The following MALRD1 variants were observed in gnomAD, a reference collection of about 807,000 sequenced individuals.
MALRD1 encodes MAM and LDL receptor class A domain containing 1.
Under a neutral mutation model 242.1 loss-of-function variants are expected in MALRD1, and 247 were observed. The observed-to-expected ratio is 1.02, with a 90% CI of 0.92 to 1.13. The LOEUF (loss-of-function observed/expected upper bound fraction) is 1.13. MALRD1 is among the 50% of genes most tolerant of loss of function. MALRD1 has a pLI of 0.00. For synonymous variants in MALRD1, 995 were observed against 866.6 expected (o/e 1.15, Z -2.60); for missense variants, 2,989 against 2,533.1 (o/e 1.18, Z -3.86).
chr10:19,622,562 A>G (rs1839452500), intron 36 of MALRD1, among the ~76,000 whole-genome samples: 1 of 151,744 alleles, frequency 6.6e-6, no homozygotes, highest in South Asian at 2.1e-4. Flanking sequence ...CTCAACAAAA[A>G]GACCTACAAG....
At chr10:19,354,760 C>G (rs1416820829) in intron 26 of MALRD1, among the ~76,000 whole-genome samples, 1 of 151,934 alleles carries the variant, frequency 6.6e-6, no homozygotes, top group Non-Finnish European at 1.5e-5. Context: ...GGAATGTTCC[C>G]AACATTTAAA....
At chr10:19,235,129 G>C (rs1004370234) in intron 18 of MALRD1, among the ~76,000 whole-genome samples, 6 of 152,146 alleles carry the variant, frequency 3.9e-5, no homozygotes, top group African/African-American at 1.4e-4. Flanking sequence ...GGCCATGGGA[G>C]TCACTGAAGG....
chr10:19,631,853 T>C (rs7894895), intron 36 of MALRD1, among the ~76,000 whole-genome samples: 14,421 of 152,196 alleles, frequency 0.095, 1,759 homozygotes, highest in African/African-American at 0.28. Context: ...CTTGTAAATT[T>C]GTTCAAGTTC....
At chr10:19,434,487 T>G (rs1291934655) in intron 28 of MALRD1, among the ~76,000 whole-genome samples, 1 of 152,000 alleles carries the variant, frequency 6.6e-6, no homozygotes, top group African/African-American at 2.4e-5. Context: ...ATATAAACTT[T>G]AAACATTTCA....
At chr10:19,617,520 CTTAGCCA>C (rs1839214055) in intron 36 of MALRD1, among the ~76,000 whole-genome samples, 1 of 151,828 alleles carries the variant, frequency 6.6e-6, no homozygotes, top group Non-Finnish European at 1.5e-5. Context: ...ATTGTAATAG[CTTAGCCA>C]TTTCATTCAA....
At chr10:19,720,846 C>G (rs1242848031) in intron 38 of MALRD1, among the ~76,000 whole-genome samples, 1 of 151,812 alleles carries the variant, frequency 6.6e-6, no homozygotes. Context: ...GATCAGAGAC[C>G]AGGTATAAAA....
At chr10:19,124,043 CAAAAAAAAA>C (rs71387044) in intron 6 of MALRD1, among the ~76,000 whole-genome samples, 3 of 87,290 alleles carry the variant, frequency 3.4e-5, no homozygotes, top group Non-Finnish European at 7.5e-5. Context: ...TCATCTCTAC[CAAAAAAAAA>C]AAAAAAAAAA....
At chr10:19,230,485 G>A (rs890098104) in intron 18 of MALRD1, among the ~76,000 whole-genome samples, 18 of 152,062 alleles carry the variant, frequency 1.2e-4, no homozygotes, top group South Asian at 2.1e-4. Flanking sequence ...GGGAGGAGGT[G>A]TCAGTCTCTT....
chr10:19,509,856 GA>G (rs1204123999), intron 31 of MALRD1, among the ~76,000 whole-genome samples: 7 of 152,172 alleles, frequency 4.6e-5, no homozygotes, highest in African/African-American at 1.7e-4. Flanking sequence ...TCGTCAGGTG[GA>G]AGGAGACACT....
intron 34 of MALRD1, among the ~76,000 whole-genome samples, chr10:19,599,588 TTG>T (rs1290977408): frequency 6.6e-6 from 1 of 152,206 alleles, no homozygotes; most frequent in Non-Finnish European, 1.5e-5. Context: ...TCATCAGCTG[TTG>T]TGTCAGTCAA....
At chr10:19,597,246 A>G (rs2131564152) in intron 34 of MALRD1, among the ~76,000 whole-genome samples, 1 of 152,326 alleles carries the variant, frequency 6.6e-6, no homozygotes, top group African/African-American at 2.4e-5. Flanking sequence ...TCAGAGCTCT[A>G]ATGTAATTTG....
At chr10:19,194,492 C>T (rs1468073019) in intron 14 of MALRD1, among the ~76,000 whole-genome samples, 1 of 152,102 alleles carries the variant, frequency 6.6e-6, no homozygotes, top group Non-Finnish European at 1.5e-5. Flanking sequence ...TTCTAAAATA[C>T]AATTTCCATA....
intron 38 of MALRD1, chr10:19,722,222 C>T (rs1378126523): frequency 6.6e-6 from 1 of 152,098 alleles, no homozygotes; most frequent in Non-Finnish European, 1.5e-5. Context: ...CTCAGTTGCT[C>T]CATCTGTAAT....
intron 28 of MALRD1, among the ~76,000 whole-genome samples, chr10:19,446,041 G>A (rs2131014006): frequency 6.6e-6 from 1 of 152,274 alleles, no homozygotes; most frequent in Non-Finnish European, 1.5e-5. Flanking sequence ...TCAGACTGCT[G>A]TGCTAGCCAT....
chr10:19,611,581 AG>A (rs897918508), intron 35 of MALRD1, among the ~76,000 whole-genome samples: 1 of 152,006 alleles, frequency 6.6e-6, no homozygotes, highest in Non-Finnish European at 1.5e-5. Context: ...CTGTGGCTAA[AG>A]ATTGGGAACC....
At position 19,106,252 on chromosome 10, in the gene MALRD1, G is replaced by T. The variant is rs910644674; in HGVS notation, c.694+2177G>T. 6.6e-5 allele frequency among the ~76,000 whole-genome samples: 10 copies of T among 151,836 alleles called. No homozygotes were observed. The East Asian group carries it at 1.9e-3, about 29-fold the overall frequency. ...AACTCTCACATATGAGTGAGAGGTT[G>T]TTAGTTATTTATTAAATGTTTGCTA... is the stretch of plus-strand genomic sequence containing the variant. On this transcript the variant is annotated intron_variant, in intron 5 of 39. Transcript: ENST00000454679.
At chr10:19,699,741 A>G (rs1254117791) in intron 38 of MALRD1, among the ~76,000 whole-genome samples, 1 of 151,996 alleles carries the variant, frequency 6.6e-6, no homozygotes, top group Non-Finnish European at 1.5e-5. Context: ...TGCACGTCAC[A>G]TGGTGAAAAC....
intron 36 of MALRD1, among the ~76,000 whole-genome samples, chr10:19,634,990 G>C (rs1032542628): frequency 6.6e-6 from 1 of 152,132 alleles, no homozygotes; most frequent in African/African-American, 2.4e-5. Context: ...ATTTTGCCTT[G>C]ATCTGTAGCT....
At chr10:19,291,935 A>C (rs1841449209) in intron 21 of MALRD1, among the ~76,000 whole-genome samples, 1 of 151,704 alleles carries the variant, frequency 6.6e-6, no homozygotes. Flanking sequence ...AAATGCAAAA[A>C]ATTAGTCATA....
Sources: gnomAD v4.1 joint callset for allele counts (sites outside exome capture counted in the v4.1 genomes callset) on GRCh38, gnomAD v4.1.1 for gene constraint, MANE v1.5 for transcripts, NCBI Gene and HGNC (gene_info 2026-07-23, HGNC 2026-07-21) for gene names.